The following CAMK1D variants were observed in gnomAD, a reference collection of about 807,000 sequenced individuals.
The protein encoded by CAMK1D is calcium/calmodulin-dependent protein kinase type 1D.
CAMK1D carries 9 observed loss-of-function variants against 47.7 expected under a neutral mutation model. That is an observed-to-expected ratio of 0.19 (90% CI 0.11 to 0.33). CAMK1D has a LOEUF of 0.33. CAMK1D is among the 10% of genes least tolerant of loss of function. The pLI is 1.00. For synonymous variants in CAMK1D, 184 were observed against 184.9 expected, an observed-to-expected ratio of 0.99 and a Z score of 0.04; for missense variants, 291 against 488.7, an observed-to-expected ratio of 0.60 and a Z score of 3.81.
At chr10:12,381,409 C>T (rs1458849504) in intron 1 of CAMK1D, among the ~76,000 whole-genome samples, 3 of 149,604 alleles carry the variant, frequency 2.0e-5, no homozygotes, top group African/African-American at 5.0e-5. Context: ...GATCTTGGTT[C>T]ACTCCAACCT....
At chr10:12,727,275 T>C (rs770476294) in intron 3 of CAMK1D, among the ~76,000 whole-genome samples, 1 of 152,244 alleles carries the variant, frequency 6.6e-6, no homozygotes, top group Non-Finnish European at 1.5e-5. Flanking sequence ...AAGAAGGTTA[T>C]GACTCAGAGA....
At chr10:12,610,338 T>C (rs1564443416) in intron 2 of CAMK1D, among the ~76,000 whole-genome samples, 1 of 152,288 alleles carries the variant, frequency 6.6e-6, no homozygotes, top group East Asian at 1.9e-4. Context: ...TGTGGTAATA[T>C]ATCTGCTGTC....
chr10:12,603,888 C>T (rs11596728), intron 2 of CAMK1D, among the ~76,000 whole-genome samples: 36,066 of 152,148 alleles, frequency 0.24, 4,613 homozygotes, highest in South Asian at 0.29. Flanking sequence ...CTTATTACAT[C>T]TTACCATTCC....
At chr10:12,785,886 G>C (rs565135820) in intron 5 of CAMK1D, among the ~76,000 whole-genome samples, 1 of 152,354 alleles carries the variant, frequency 6.6e-6, no homozygotes, top group Non-Finnish European at 1.5e-5. Flanking sequence ...GCAGGTTGGT[G>C]AAACAGTGCA....
intron 2 of CAMK1D, among the ~76,000 whole-genome samples, chr10:12,606,322 C>T (rs907007046): frequency 2.0e-5 from 3 of 152,318 alleles, no homozygotes; most frequent in African/African-American, 4.8e-5. Flanking sequence ...CAGGCGACCC[C>T]GGCACAGAGT....
chr10:12,465,491 A>T (rs1833563870), intron 1 of CAMK1D, among the ~76,000 whole-genome samples: 1 of 152,018 alleles, frequency 6.6e-6, no homozygotes, highest in Admixed American at 6.6e-5. Flanking sequence ...AGTAGCTCGG[A>T]TTACAGGCGC....
intron 1 of CAMK1D, among the ~76,000 whole-genome samples, chr10:12,522,537 C>T (rs1835456948): frequency 6.6e-6 from 1 of 151,972 alleles, no homozygotes; most frequent in African/African-American, 2.4e-5. Context: ...TCAACAGGAT[C>T]CCAAGGCAGA....
rs796422816 is a variant in CAMK1D at position 12,399,330 on chromosome 10, C to G, written c.92+49420C>G. 3.3e-5 allele frequency among the ~76,000 whole-genome samples: 5 copies of G among 152,228 alleles called. No individual in the cohort carries two copies. The South Asian group carries it at 6.2e-4, about 19-fold the overall frequency. ...ACCAGCCTGGCCAACATGGTGAAAC[C>G]CTGTCTCTACTAAAAATACAAAAAT... On this transcript the variant is annotated intron_variant, in intron 1 of 10. Transcript: ENST00000619168.
At chr10:12,393,641 A>G (rs1453097754) in intron 1 of CAMK1D, among the ~76,000 whole-genome samples, 5 of 152,200 alleles carry the variant, frequency 3.3e-5, no homozygotes, top group African/African-American at 7.2e-5. Flanking sequence ...GACCAAATCA[A>G]TGCTGTGTGA....
chr10:12,395,598 C>T (rs1838913459), intron 1 of CAMK1D, among the ~76,000 whole-genome samples: 1 of 152,062 alleles, frequency 6.6e-6, no homozygotes, highest in African/African-American at 2.4e-5. Context: ...CTGTTAGCTT[C>T]TGGGGAAAAC....
At chr10:12,619,555 T>G (rs539108547) in intron 2 of CAMK1D, among the ~76,000 whole-genome samples, 15 of 152,184 alleles carry the variant, frequency 9.9e-5, no homozygotes, top group Non-Finnish European at 1.6e-4. Flanking sequence ...CCCAAAGTGT[T>G]GGGATTATAG....
At chr10:12,778,762 A>G (rs899185874) in intron 5 of CAMK1D, among the ~76,000 whole-genome samples, 1 of 152,158 alleles carries the variant, frequency 6.6e-6, no homozygotes, top group Non-Finnish European at 1.5e-5. Context: ...AGTCCCAGCT[A>G]TTCAGGAGGC....
intron 5 of CAMK1D, among the ~76,000 whole-genome samples, chr10:12,788,720 A>G (rs1011194997): frequency 7.9e-5 from 12 of 152,192 alleles, no homozygotes; most frequent in South Asian, 6.2e-4. Flanking sequence ...GTCAGTTCCC[A>G]TAAGACAAGA....
intron 1 of CAMK1D, among the ~76,000 whole-genome samples, chr10:12,450,893 A>C (rs905095927): frequency 3.9e-5 from 6 of 152,204 alleles, no homozygotes; most frequent in Non-Finnish European, 7.3e-5. Flanking sequence ...CCTGGCGGCT[A>C]TCAGGTGCTG....
rs1461673014 is a variant in CAMK1D, at chr10:12,431,319, GTTA to G, written c.92+81412_92+81414del. ...TTTTGCAGCTGCACTGTAATCCCTG[GTTA>G]TTGAGGGCACAGGTGGAAACGGAGA... is the stretch of plus-strand genomic sequence containing the variant. On this transcript the variant is annotated intron_variant, in intron 1 of 10. Coordinates refer to ENST00000619168, the MANE Select transcript of CAMK1D (RefSeq NM_153498.4). Among the ~76,000 whole-genome samples the G allele has an allele frequency of 2.0e-5, 3 of 152,156 alleles. No individual in the cohort carries two copies. The East Asian group carries it at 5.8e-4, about 29-fold the overall frequency.
chr10:12,554,403 C>T (rs1481982024), intron 2 of CAMK1D, among the ~76,000 whole-genome samples: 1 of 131,392 alleles, frequency 7.6e-6, no homozygotes, highest in African/African-American at 2.5e-5. Context: ...GATCCGCCCG[C>T]CTTGGCCTCC....
chr10:12,475,087 A>G (rs1588528331), intron 1 of CAMK1D, among the ~76,000 whole-genome samples: 2 of 152,100 alleles, frequency 1.3e-5, no homozygotes, highest in African/African-American at 4.8e-5. Flanking sequence ...TTATGGTAGG[A>G]TGGTGCACAT....
intron 3 of CAMK1D, among the ~76,000 whole-genome samples, chr10:12,756,754 G>C (rs767835560): frequency 6.6e-6 from 1 of 152,078 alleles, no homozygotes; most frequent in African/African-American, 2.4e-5. Context: ...GTGAAACCCC[G>C]TCTCTACTAA....
intron 6 of CAMK1D, among the ~76,000 whole-genome samples, chr10:12,812,588 C>T (rs1832650051): frequency 6.6e-6 from 1 of 152,114 alleles, no homozygotes; most frequent in Non-Finnish European, 1.5e-5. Context: ...TGTGCTCCAG[C>T]CTGGGTGACA....
Sources: gnomAD v4.1 joint callset for allele counts (sites outside exome capture counted in the v4.1 genomes callset) on GRCh38, gnomAD v4.1.1 for gene constraint, MANE v1.5 for transcripts, NCBI Gene and HGNC (gene_info 2026-07-23, HGNC 2026-07-21) for gene names.